Variants in AFF3 observed in about 807,000 individuals in gnomAD.
AFF3 encodes the protein ALF transcription elongation factor 3.
A neutral mutation model predicts 129.7 loss-of-function variants in AFF3; 32 were observed. The observed-to-expected ratio is 0.25, with a 90% confidence interval of 0.19 to 0.33. The LOEUF (loss-of-function observed/expected upper bound fraction) is 0.33, where lower values mean the gene tolerates loss of function less well. Among genes scored for constraint, AFF3 ranks in the 10% least tolerant of loss-of-function variants. The pLI, the probability that AFF3 is intolerant of heterozygous loss-of-function variation, is 1.00. For synonymous variants in AFF3, 644 were observed against 635.4 expected, an observed-to-expected ratio of 1.01 and a Z score of -0.20; for missense variants, 1,373 against 1,592.0, an observed-to-expected ratio of 0.86 and a Z score of 2.34.
intron 7 of AFF3, among the ~76,000 whole-genome samples, chr2:99,932,495 G>C (rs1674118288): frequency 6.6e-6 from 1 of 152,062 alleles, no homozygotes; most frequent in Non-Finnish European, 1.5e-5. Context: ...GCTCCACAGG[G>C]GCCATCAGTG....
At chr2:99,913,431 T>C (rs530273649) in intron 7 of AFF3, among the ~76,000 whole-genome samples, 4 of 152,320 alleles carry the variant, frequency 2.6e-5, no homozygotes, top group African/African-American at 7.2e-5. Flanking sequence ...ATATGAACCC[T>C]AGTTTCTATT....
intron 8 of AFF3, among the ~76,000 whole-genome samples, chr2:99,788,995 G>A (rs187387254): frequency 1.3e-5 from 2 of 152,286 alleles, no homozygotes; most frequent in Non-Finnish European, 2.9e-5. Context: ...TGAGTGTATA[G>A]TAGGCTATAC....
chr2:99,907,635 C>G (rs962548059), intron 7 of AFF3, among the ~76,000 whole-genome samples: 1 of 145,124 alleles, frequency 6.9e-6, no homozygotes, highest in Non-Finnish European at 1.5e-5. Flanking sequence ...TTTTTTTCTT[C>G]TTGTTGTTGT....
At chr2:99,606,134 T>C (rs989019009) in intron 13 of AFF3, among the ~76,000 whole-genome samples, 4 of 151,112 alleles carry the variant, frequency 2.6e-5, no homozygotes, top group Admixed American at 6.6e-5. Flanking sequence ...ACAAATTAGC[T>C]GGGTGTGCTG....
In AFF3 at chr2:99,560,399, C is replaced by T; in HGVS notation, c.3157G>A (p.Ala1053Thr). ...MRLKTHSGPNATPEDKQLAAL... is the reference protein window; with the variant it reads ...MRLKTHSGPNTTPEDKQLAAL... ...GCCAGTTGTTTGTCTTCTGGTGTGG[C>T]ATTGGGGCCTGAGTGGGTTTTTAGT... Residue 1053 changes from alanine to threonine, a missense_variant, in exon 21 of 25, where the codon GCC becomes ACC. Coordinates refer to ENST00000672756, the MANE Select transcript of AFF3 (RefSeq NM_001386135.1). 6.2e-7 allele frequency: 1 copy of T among 1,614,084 alleles called. No individual in the cohort carries two copies. The highest frequency in any genetic ancestry group is 8.5e-7 in the Non-Finnish European group (1 of 1,179,986).
At chr2:99,803,780 T>A (rs1290472091) in intron 8 of AFF3, among the ~76,000 whole-genome samples, 3 of 152,054 alleles carry the variant, frequency 2.0e-5, no homozygotes, top group Non-Finnish European at 2.9e-5. Flanking sequence ...TAAAGCCAAA[T>A]ACTTACAACC....
chr2:100,069,703 C>A (rs532014788), intron 4 of AFF3, among the ~76,000 whole-genome samples: 50 of 152,162 alleles, frequency 3.3e-4, no homozygotes, highest in Non-Finnish European at 5.7e-4. Flanking sequence ...AAATTTGATA[C>A]GATATAACTT....
In AFF3 at chr2:99,818,419, C is replaced by T. The variant is rs113711245; in HGVS notation, c.921+19058G>A. ...TCAATGAAAAATACAACGTTGAAAC[C>T]GACAATCCTTCATCCATGGTAAATG... is the stretch of plus-strand genomic sequence containing the variant. On this transcript the variant is annotated intron_variant, in intron 8 of 24. Coordinates refer to ENST00000672756, the MANE Select transcript of AFF3 (RefSeq NM_001386135.1). Among the ~76,000 whole-genome samples, 890 of 152,198 alleles carry T rather than the reference C, an allele frequency of 5.8e-3. 8 individuals carry two copies. The highest frequency in any genetic ancestry group is 0.021 in the African/African-American group (855 of 41,538).
Position 99,955,238 on chromosome 2 carries a change from C to A in AFF3, c.873+51394G>T, listed in dbSNP as rs139547969. On this transcript the variant is annotated intron_variant, in intron 7 of 24. Coordinates refer to ENST00000672756, the MANE Select transcript of AFF3 (RefSeq NM_001386135.1). ...ATTAAACATTCATTACAGAAACTAT[C>A]AAAAATAATTGACCTGTACAAAGCA... Among the ~76,000 whole-genome samples, 731 of 152,164 alleles carry A rather than the reference C, an allele frequency of 4.8e-3. 4 individuals carry two copies. The highest frequency in any genetic ancestry group is 0.017 in the African/African-American group (698 of 41,526).
intron 7 of AFF3, among the ~76,000 whole-genome samples, chr2:99,979,726 C>T (rs1013383749): frequency 6.6e-6 from 1 of 152,114 alleles, no homozygotes; most frequent in Non-Finnish European, 1.5e-5. Context: ...CAAGCAATTC[C>T]CCCTCTTGGG....
chr2:99,756,995 T>C (rs933601306), intron 8 of AFF3, among the ~76,000 whole-genome samples: 8 of 152,246 alleles, frequency 5.3e-5, no homozygotes, highest in African/African-American at 1.4e-4. Context: ...TTTCCTTGAA[T>C]GCTCATTTCC....
At chr2:99,861,536 T>C (rs1690999809) in intron 7 of AFF3, among the ~76,000 whole-genome samples, 1 of 152,230 alleles carries the variant, frequency 6.6e-6, no homozygotes, top group South Asian at 2.1e-4. Flanking sequence ...AGGCCAAGAC[T>C]TGAAAGTTGT....
intron 8 of AFF3, among the ~76,000 whole-genome samples, 184 bp from the exon 9 acceptor site, chr2:99,752,485 C>T (rs1396735137): frequency 6.6e-6 from 1 of 152,170 alleles, no homozygotes; most frequent in Non-Finnish European, 1.5e-5. Context: ...CCTAATTTTA[C>T]CAATTCTTGA....
intron 8 of AFF3, among the ~76,000 whole-genome samples, chr2:99,810,692 A>G (rs1190107512): frequency 6.6e-6 from 1 of 152,178 alleles, no homozygotes; most frequent in African/African-American, 2.4e-5. Context: ...AAATCACCTC[A>G]AACTTAGTGG....
chr2:99,742,822 G>A (rs949252049), intron 10 of AFF3, among the ~76,000 whole-genome samples: 4 of 152,212 alleles, frequency 2.6e-5, no homozygotes, highest in South Asian at 2.1e-4. Flanking sequence ...AAGTCAGGAC[G>A]CTAGCGCAGA....
intron 20 of AFF3, among the ~76,000 whole-genome samples, chr2:99,563,189 C>CT (rs377014107): frequency 3.8e-4 from 55 of 145,370 alleles, no homozygotes; most frequent in East Asian, 8.0e-4. Context: ...ATGCTGTTTT[C>CT]TTTTTTTTTT....
intron 8 of AFF3, among the ~76,000 whole-genome samples, chr2:99,803,612 C>T (rs538069454): frequency 1.3e-5 from 2 of 152,086 alleles, no homozygotes; most frequent in Non-Finnish European, 2.9e-5. Context: ...AAAAAAGAGG[C>T]TGAAGAGCCA....
chr2:99,897,006 C>T (rs928736538), intron 7 of AFF3, among the ~76,000 whole-genome samples: 7 of 151,964 alleles, frequency 4.6e-5, no homozygotes, highest in East Asian at 1.9e-4. Context: ...AAGTACACCC[C>T]GTGAATTTTA....
intron 18 of AFF3, among the ~76,000 whole-genome samples, chr2:99,574,308 C>T (rs1011894345): frequency 6.6e-6 from 1 of 152,120 alleles, no homozygotes; most frequent in Non-Finnish European, 1.5e-5. Flanking sequence ...AATATGAGCC[C>T]ACAACATACA....
Sources: gnomAD v4.1 joint callset for allele counts (sites outside exome capture counted in the v4.1 genomes callset) on GRCh38, gnomAD v4.1.1 for gene constraint, MANE v1.5 for transcripts, NCBI Gene and HGNC (gene_info 2026-07-23, HGNC 2026-07-21) for gene names.